Variants in RANBP2 observed in about 807,000 individuals in gnomAD.
RANBP2 encodes RAN binding protein 2.
In RANBP2, 57 loss-of-function variants were observed where a neutral mutation model predicts 303.6. That is an observed-to-expected ratio of 0.19 (90% CI 0.15 to 0.23). The LOEUF (loss-of-function observed/expected upper bound fraction) is 0.23. Ranked by LOEUF, RANBP2 falls within the 10% of genes least tolerant of loss-of-function variation. RANBP2 has a pLI of 1.00. For missense variants in RANBP2, 3,138 were observed against 3,780.8 expected (o/e 0.83, Z 4.46); for synonymous variants, 1,167 against 1,301.5 (o/e 0.90, Z 2.23).
At chr2:109,223,366 G>A in the RANBP2 span, among the ~76,000 whole-genome samples, 9 of 152,206 alleles carry the variant, frequency 5.9e-5, no homozygotes, top group Admixed American at 5.9e-4. Flanking sequence ...GAAGCCCGAA[G>A]AAGCAGGAGT....
At chr2:108,978,036 G>A in the RANBP2 span, among the ~76,000 whole-genome samples, 1 of 152,202 alleles carries the variant, frequency 6.6e-6, no homozygotes. Flanking sequence ...ACAGGGCTGC[G>A]GTTCAAAGTC....
At chr2:109,330,759 AATAC>A in the RANBP2 span, among the ~76,000 whole-genome samples, 48 of 152,296 alleles carry the variant, frequency 3.2e-4, no homozygotes, top group African/African-American at 1.1e-3. Context: ...AGATAATTCA[AATAC>A]ATACACAGAT....
chr2:109,392,066 T>G, the RANBP2 span, among the ~76,000 whole-genome samples: 1 of 152,146 alleles, frequency 6.6e-6, no homozygotes, highest in African/African-American at 2.4e-5. Flanking sequence ...TCAGCCTGCC[T>G]CGGCCTCCCA....
At chr2:108,912,660 C>T in the RANBP2 span, 1 of 1,570,366 alleles carries the variant, frequency 6.4e-7, no homozygotes, top group Non-Finnish European at 8.6e-7. Flanking sequence ...GTGATCGATA[C>T]CTGAGCACCC....
chr2:109,198,102 G>T, the RANBP2 span, among the ~76,000 whole-genome samples: 1 of 152,168 alleles, frequency 6.6e-6, no homozygotes, highest in African/African-American at 2.4e-5. Context: ...GGAGCCTGCT[G>T]TGACATTTGA....
the RANBP2 span, among the ~76,000 whole-genome samples, chr2:109,418,001 C>T: frequency 6.6e-6 from 1 of 152,046 alleles, no homozygotes; most frequent in South Asian, 2.1e-4. Context: ...TTCCAGGTGG[C>T]TCTCCCTCCC....
the RANBP2 span, among the ~76,000 whole-genome samples, chr2:109,646,084 G>A: frequency 6.6e-6 from 1 of 152,140 alleles, no homozygotes; most frequent in African/African-American, 2.4e-5. Context: ...TCCCTCCTCC[G>A]GCATTTGGTC....
At chr2:109,247,607 G>A in the RANBP2 span, among the ~76,000 whole-genome samples, 1 of 152,200 alleles carries the variant, frequency 6.6e-6, no homozygotes, top group Non-Finnish European at 1.5e-5. Context: ...TGTAAACAAA[G>A]GTGTGAGTGT....
At chr2:108,952,128 T>G in the RANBP2 span, among the ~76,000 whole-genome samples, 1 of 152,214 alleles carries the variant, frequency 6.6e-6, no homozygotes, top group Non-Finnish European at 1.5e-5. Context: ...TTGAAGAAGG[T>G]TAAAATGGTG....
At chr2:109,401,290 T>C in the RANBP2 span, among the ~76,000 whole-genome samples, 1 of 152,152 alleles carries the variant, frequency 6.6e-6, no homozygotes, top group Non-Finnish European at 1.5e-5. Flanking sequence ...CAAATTTGGC[T>C]CAAAGGGAAG....
the RANBP2 span, among the ~76,000 whole-genome samples, chr2:109,626,818 C>T: frequency 6.6e-6 from 1 of 152,208 alleles, no homozygotes; most frequent in Non-Finnish European, 1.5e-5. Context: ...TTTCTGCCAT[C>T]GTCACTCCTG....
At chr2:108,816,844 C>T in the RANBP2 span, among the ~76,000 whole-genome samples, 3 of 152,234 alleles carry the variant, frequency 2.0e-5, no homozygotes, top group East Asian at 5.8e-4. Context: ...CAGGTATACA[C>T]CACCTTGCCA....
the RANBP2 span, among the ~76,000 whole-genome samples, chr2:109,639,662 C>A: frequency 6.6e-6 from 1 of 151,276 alleles, no homozygotes; most frequent in Non-Finnish European, 1.5e-5. Flanking sequence ...GCTGTAATCT[C>A]AAGGCTTTTC....
At chr2:109,129,647 CGGCCACCGCCGCG>C in the RANBP2 span, 10 of 1,499,058 alleles carry the variant, frequency 6.7e-6, no homozygotes, top group Non-Finnish European at 8.8e-6. Context: ...CGTCGGGCGG[CGGCCACCGCCGCG>C]GGGGCGGGCG....
In RANBP2 at chr2:108,727,566, T is replaced by G. The variant is rs551275520; in HGVS notation, c.73-1566T>G. On this transcript the variant is annotated intron_variant, in intron 1 of 28. Transcript: ENST00000283195. ...AGATGTTTGAGTAGCTGTATACTCTTTATCACATGGATGGAACATACTCTG... is the reference window on the plus strand; with the variant it reads ...AGATGTTTGAGTAGCTGTATACTCTGTATCACATGGATGGAACATACTCTG... 3.5e-4 allele frequency among the ~76,000 whole-genome samples: 53 copies of G among 151,922 alleles called. 1 individual carries two copies. The highest frequency in any genetic ancestry group is 1.8e-3 in the Admixed American group (28 of 15,270).
chr2:109,463,689 C>T, the RANBP2 span, among the ~76,000 whole-genome samples: 71 of 152,302 alleles, frequency 4.7e-4, no homozygotes, highest in African/African-American at 1.5e-3. Context: ...TGTTTGTTTC[C>T]GCTGCAGTCA....
the RANBP2 span, among the ~76,000 whole-genome samples, chr2:109,687,830 A>G: frequency 6.7e-6 from 1 of 149,764 alleles, no homozygotes. Flanking sequence ...GCAGCCTCAG[A>G]CCTCCCGGAC....
At chr2:109,372,994 T>C in the RANBP2 span, among the ~76,000 whole-genome samples, 1 of 152,230 alleles carries the variant, frequency 6.6e-6, no homozygotes, top group African/African-American at 2.4e-5. Flanking sequence ...CCATAGTCTA[T>C]TTTGCAGCCT....
the RANBP2 span, chr2:109,449,376 A>T: frequency 1.2e-6 from 2 of 1,611,060 alleles, no homozygotes; most frequent in Non-Finnish European, 1.7e-6. Context: ...CACACCTCCC[A>T]ACGTCAGTGC....
Sources: gnomAD v4.1 joint callset for allele counts (sites outside exome capture counted in the v4.1 genomes callset) on GRCh38, gnomAD v4.1.1 for gene constraint, MANE v1.5 for transcripts, NCBI Gene and HGNC (gene_info 2026-07-23, HGNC 2026-07-21) for gene names.